GALNT17: variants seen among roughly 807,000 people sequenced by gnomAD.
GALNT17 encodes the protein UDP-GalNAc:polypeptide N-acetylgalactosaminyltransferase-like 3.
In GALNT17, 29 loss-of-function variants were observed where a neutral mutation model predicts 63.7. That is an observed-to-expected ratio of 0.46 (90% CI 0.34 to 0.62). The LOEUF (loss-of-function observed/expected upper bound fraction) is 0.62. GALNT17 is among the 20% of genes least tolerant of loss of function. The pLI is 0.01. For synonymous variants in GALNT17, 305 were observed against 318.3 expected (o/e 0.96, Z 0.45); for missense variants, 603 against 799.6 (o/e 0.75, Z 2.97).
chr7:71,541,311 C>T (rs1436763010), intron 5 of GALNT17, among the ~76,000 whole-genome samples: 1 of 151,370 alleles, frequency 6.6e-6, no homozygotes, highest in Non-Finnish European at 1.5e-5. Context: ...GGCTGAACTA[C>T]ACTTCCCGAA....
chr7:71,490,261 A>C (rs545568195), intron 5 of GALNT17, among the ~76,000 whole-genome samples: 3 of 151,922 alleles, frequency 2.0e-5, no homozygotes, highest in Admixed American at 2.0e-4. Context: ...TGTCTCAAAA[A>C]AAAAAAAAAG....
intron 1 of GALNT17, among the ~76,000 whole-genome samples, chr7:71,159,459 C>G (rs1189647667): frequency 1.3e-5 from 2 of 151,162 alleles, no homozygotes; most frequent in Non-Finnish European, 2.9e-5. Context: ...TAAGTCTTTA[C>G]AAAACATTCA....
At chr7:71,584,144 C>A (rs547879791) in intron 6 of GALNT17, among the ~76,000 whole-genome samples, 1 of 151,754 alleles carries the variant, frequency 6.6e-6, no homozygotes, top group East Asian at 1.9e-4. Context: ...AACAAACAAA[C>A]AAAAAAGGGC....
At chr7:71,327,100 T>G (rs1791717755) in intron 1 of GALNT17, among the ~76,000 whole-genome samples, 1 of 152,220 alleles carries the variant, frequency 6.6e-6, no homozygotes, top group Admixed American at 6.5e-5. Flanking sequence ...TAAGAACTCT[T>G]TGTGTGTCAG....
At chr7:71,407,030 T>C (rs1204952858) in intron 3 of GALNT17, among the ~76,000 whole-genome samples, 1 of 152,204 alleles carries the variant, frequency 6.6e-6, no homozygotes, top group Admixed American at 6.5e-5. Context: ...AGACCATTTT[T>C]TCACTGTGAT....
intron 9 of GALNT17, among the ~76,000 whole-genome samples, chr7:71,677,709 G>T (rs1791174491): frequency 6.6e-6 from 1 of 152,004 alleles, no homozygotes; most frequent in African/African-American, 2.4e-5. Flanking sequence ...TAGAGACGGG[G>T]TTTCACCGTG....
intron 6 of GALNT17, among the ~76,000 whole-genome samples, chr7:71,576,657 G>A (rs563598882): frequency 4.7e-4 from 71 of 151,880 alleles, no homozygotes; most frequent in African/African-American, 1.6e-3. Flanking sequence ...TGCAACCTCC[G>A]CCTCCCAGGT....
chr7:71,295,134 C>CT (rs1336963277), intron 1 of GALNT17, among the ~76,000 whole-genome samples: 1 of 152,194 alleles, frequency 6.6e-6, no homozygotes, highest in Non-Finnish European at 1.5e-5. Context: ...GGTAATTCTT[C>CT]TAAGTTCTAC....
intron 5 of GALNT17, among the ~76,000 whole-genome samples, chr7:71,513,266 T>C (rs1788392304): frequency 6.6e-6 from 1 of 152,210 alleles, no homozygotes; most frequent in Non-Finnish European, 1.5e-5. Flanking sequence ...TTGGAAAATT[T>C]ACACATATAC....
At chr7:71,693,259 C>CATAT (rs1313846970) in intron 9 of GALNT17, among the ~76,000 whole-genome samples, 28 of 65,388 alleles carry the variant, frequency 4.3e-4, no homozygotes, top group East Asian at 2.5e-3. Context: ...TACACACACA[C>CATAT]ACATACACAC....
chr7:71,273,863 G>C (rs1440234409), intron 1 of GALNT17, among the ~76,000 whole-genome samples: 2 of 152,154 alleles, frequency 1.3e-5, no homozygotes, highest in African/African-American at 4.8e-5. Flanking sequence ...GTGAGAGAGA[G>C]AGAGAGAGAG....
At chr7:71,524,411 C>T (rs774678897) in intron 5 of GALNT17, among the ~76,000 whole-genome samples, 3 of 151,522 alleles carry the variant, frequency 2.0e-5, no homozygotes, top group East Asian at 1.9e-4. Flanking sequence ...TGTTTTCCCG[C>T]GTTCCCCAGT....
At chr7:71,355,725 G>A (rs928622889) in intron 2 of GALNT17, among the ~76,000 whole-genome samples, 4 of 152,024 alleles carry the variant, frequency 2.6e-5, no homozygotes, top group African/African-American at 9.7e-5. Flanking sequence ...TAGAGACAGA[G>A]TTTCTCCATG....
At chr7:71,195,523 G>C (rs1010511681) in intron 1 of GALNT17, among the ~76,000 whole-genome samples, 1 of 152,018 alleles carries the variant, frequency 6.6e-6, no homozygotes, top group African/African-American at 2.4e-5. Flanking sequence ...GGGACCACAG[G>C]CATCTGCCAC....
At chr7:71,220,498 A>T (rs1789563749) in intron 1 of GALNT17, among the ~76,000 whole-genome samples, 1 of 152,196 alleles carries the variant, frequency 6.6e-6, no homozygotes, top group Non-Finnish European at 1.5e-5. Flanking sequence ...ACCTTCACCC[A>T]GCCATGACCA....
chr7:71,289,076 A>G lies in GALNT17; in HGVS notation c.239-46474A>G, dbSNP rs78974929. On this transcript the variant is annotated intron_variant, in intron 1 of 10. Transcript: ENST00000333538. Reference sequence around the variant, plus strand: ...CAGCAGTACAGGGGTTGCAGGTACCAACTCTCACAGTCAAAATTTTGTGTG... The same window carrying G: ...CAGCAGTACAGGGGTTGCAGGTACCGACTCTCACAGTCAAAATTTTGTGTG... Among the ~76,000 whole-genome samples, 435 of 151,970 alleles carry G rather than the reference A, an allele frequency of 2.9e-3. 3 individuals carry two copies. The highest frequency in any genetic ancestry group is 0.01 in the African/African-American group (421 of 41,268).
chr7:71,422,607 G>A (rs112945366), intron 5 of GALNT17, among the ~76,000 whole-genome samples: 66 of 152,312 alleles, frequency 4.3e-4, no homozygotes, highest in South Asian at 8.3e-4. Context: ...GGTAGGTTGC[G>A]GGGAGCATTT....
chr7:71,385,638 C>T (rs1792928500), intron 2 of GALNT17, among the ~76,000 whole-genome samples: 1 of 152,168 alleles, frequency 6.6e-6, no homozygotes, highest in Non-Finnish European at 1.5e-5. Context: ...CCACATCCCC[C>T]TTGAAGGGAA....
At chr7:71,596,191 A>T (rs10271141) in intron 6 of GALNT17, among the ~76,000 whole-genome samples, 17,115 of 152,036 alleles carry the variant, frequency 0.11, 1,820 homozygotes, top group African/African-American at 0.29. Context: ...GGTGCCCACC[A>T]CCACTCCCAG....
Sources: gnomAD v4.1 joint callset for allele counts (sites outside exome capture counted in the v4.1 genomes callset) on GRCh38, gnomAD v4.1.1 for gene constraint, MANE v1.5 for transcripts, NCBI Gene and HGNC (gene_info 2026-07-23, HGNC 2026-07-21) for gene names.